DEPTOR: variants seen among roughly 807,000 people sequenced by gnomAD.
DEPTOR encodes DEP domain-containing mTOR-interacting protein.
A neutral mutation model predicts 41.6 loss-of-function variants in DEPTOR; 41 were observed. The observed-to-expected ratio is 0.98, with a 90% CI of 0.77 to 1.28. The LOEUF is 1.28. DEPTOR is among the 50% of genes most tolerant of loss of function. The probability of loss-of-function intolerance (pLI) is 0.00; values close to 1 mark genes in which losing one functional copy is unlikely to be tolerated. For synonymous variants in DEPTOR, 195 were observed against 192.3 expected (o/e 1.01, Z -0.12); for missense variants, 514 against 527.9 (o/e 0.97, Z 0.26).
intron 3 of DEPTOR, among the ~76,000 whole-genome samples, chr8:119,961,416 C>A (rs371428858): frequency 2.6e-3 from 280 of 108,302 alleles, no homozygotes; most frequent in South Asian, 3.5e-3. Flanking sequence ...AACTCCGTAT[C>A]AAAAAAAAAA....
chr8:120,013,897 T>C (rs994580759), intron 8 of DEPTOR, among the ~76,000 whole-genome samples: 4 of 150,978 alleles, frequency 2.6e-5, no homozygotes, highest in African/African-American at 9.8e-5. Flanking sequence ...TGGCGTGCAG[T>C]GGCGGGATCT....
At chr8:120,030,497 G>GTTTGTTTTTTTTTTTTTTTTTTTTTT (rs1207108457) in intron 8 of DEPTOR, among the ~76,000 whole-genome samples, 3 of 46,218 alleles carry the variant, frequency 6.5e-5, no homozygotes, top group South Asian at 1.2e-3. Flanking sequence ...AGGTTCATCA[G>GTTTGTTTTTTTTTTTTTTTTTTTTTT]TTTTTTTTTT....
intron 4 of DEPTOR, among the ~76,000 whole-genome samples, chr8:119,976,954 C>A (rs1828703065): frequency 6.6e-6 from 1 of 152,182 alleles, no homozygotes; most frequent in Non-Finnish European, 1.5e-5. Context: ...CTCATTTAAT[C>A]TTCACAAGCA....
chr8:119,948,466 A>G (rs1444587226), intron 3 of DEPTOR, among the ~76,000 whole-genome samples: 1 of 152,014 alleles, frequency 6.6e-6, no homozygotes, highest in East Asian at 1.9e-4. Context: ...TAAAAAATAT[A>G]TTTATTAAAT....
intron 1 of DEPTOR, among the ~76,000 whole-genome samples, chr8:119,914,977 A>T (rs1408524904): frequency 4.0e-5 from 6 of 151,410 alleles, no homozygotes; most frequent in Non-Finnish European, 5.9e-5. Context: ...CAATATTATT[A>T]TTTTTTTTGA....
chr8:119,950,061 A>G (rs921387240), intron 3 of DEPTOR, among the ~76,000 whole-genome samples: 1 of 152,140 alleles, frequency 6.6e-6, no homozygotes, highest in Non-Finnish European at 1.5e-5. Context: ...GTGTAGTATG[A>G]GGTTAAGGAT....
At chr8:119,961,604 A>C (rs1828493542) in intron 3 of DEPTOR, among the ~76,000 whole-genome samples, 1 of 152,118 alleles carries the variant, frequency 6.6e-6, no homozygotes, top group South Asian at 2.1e-4. Context: ...CTCCAAATGC[A>C]ATGATTGATA....
At chr8:119,976,783 G>T (rs891830889) in intron 4 of DEPTOR, among the ~76,000 whole-genome samples, 1 of 152,082 alleles carries the variant, frequency 6.6e-6, no homozygotes, top group Non-Finnish European at 1.5e-5. Context: ...CTCACCTCTT[G>T]ACCCTGGGTG....
chr8:120,021,142 C>G (rs1037056594), intron 8 of DEPTOR, among the ~76,000 whole-genome samples: 1 of 50,912 alleles, frequency 2.0e-5, no homozygotes, highest in African/African-American at 7.9e-5. Context: ...TGCGGTGGCT[C>G]ACATAATCCT....
chr8:119,918,207 C>A (rs1163565567), intron 1 of DEPTOR, among the ~76,000 whole-genome samples: 1 of 152,056 alleles, frequency 6.6e-6, no homozygotes, highest in Non-Finnish European at 1.5e-5. Flanking sequence ...CCAAGTCTCT[C>A]GTTCCACCTA....
chr8:119,884,892 C>T (rs973552270), intron 1 of DEPTOR, among the ~76,000 whole-genome samples: 5 of 152,010 alleles, frequency 3.3e-5, no homozygotes, highest in Non-Finnish European at 2.9e-5. Flanking sequence ...TCTTGTGCCT[C>T]AGCTTCCTGA....
At chr8:119,893,748 A>C (rs1827479634) in intron 1 of DEPTOR, among the ~76,000 whole-genome samples, 1 of 149,800 alleles carries the variant, frequency 6.7e-6, no homozygotes, top group Non-Finnish European at 1.5e-5. Context: ...GAATTGCTTG[A>C]ACCCAGTGAC....
chr8:119,929,048 A>G (rs1828005960), intron 2 of DEPTOR, among the ~76,000 whole-genome samples: 1 of 152,238 alleles, frequency 6.6e-6, no homozygotes, highest in African/African-American at 2.4e-5. Context: ...CCACATTGAT[A>G]GTATATGTCT....
At chr8:119,938,838 T>C (rs1828161484) in intron 3 of DEPTOR, among the ~76,000 whole-genome samples, 1 of 151,726 alleles carries the variant, frequency 6.6e-6, no homozygotes, top group South Asian at 2.1e-4. Flanking sequence ...CTTTCCTTCC[T>C]TCCTCCCTCC....
intron 3 of DEPTOR, among the ~76,000 whole-genome samples, chr8:119,934,258 A>G (rs1828082192): frequency 6.6e-6 from 1 of 152,204 alleles, no homozygotes; most frequent in Non-Finnish European, 1.5e-5. Context: ...TCTCAAAACT[A>G]CAATTTCAGT....
At chr8:119,990,580 T>G (rs1204786066) in intron 4 of DEPTOR, among the ~76,000 whole-genome samples, 2 of 152,238 alleles carry the variant, frequency 1.3e-5, no homozygotes, top group Admixed American at 1.3e-4. Context: ...AATCACAGTG[T>G]CATGTTTGGT....
intron 1 of DEPTOR, among the ~76,000 whole-genome samples, chr8:119,919,849 C>G (rs1827867694): frequency 6.6e-6 from 1 of 152,218 alleles, no homozygotes; most frequent in South Asian, 2.1e-4. Flanking sequence ...CTGAGTCCCA[C>G]AATCTGCCAC....
chr8:120,001,714 T>A lies in DEPTOR; in HGVS notation c.790+4T>A, dbSNP rs772859302. The A allele has an allele frequency of 4.4e-6, 7 of 1,607,360 alleles. No homozygotes were observed. Among genetic ancestry groups the A allele is most frequent in the Admixed American group, 3.4e-5 (2 of 59,562 alleles). ...AAATCTACCAGCTTTATGTCAGGTA[T>A]GCCATCCCGGCATTTATTGGAGCTC... is the stretch of plus-strand genomic sequence containing the variant. On this transcript the variant is annotated splice_donor_region_variant and intron_variant, in intron 5 of 8. Transcript: ENST00000286234.
At position 120,017,257 on chromosome 8, in the gene DEPTOR, C is replaced by T. The variant is rs79864058; in HGVS notation, c.1101+8124C>T. 9.1e-3 allele frequency among the ~76,000 whole-genome samples: 1,393 copies of T among 152,258 alleles called. 20 individuals are homozygous for T. The highest frequency in any genetic ancestry group is 0.031 in the African/African-American group (1,284 of 41,552). On this transcript the variant is annotated intron_variant, in intron 8 of 8. Transcript: ENST00000286234. ...CTGCTGAAGCTGGGTGGGTAGTGTT[C>T]GCCTTACTTTACAAATGAGGAAACC... is the stretch of plus-strand genomic sequence containing the variant.
Sources: allele counts gnomAD v4.1 joint callset (sites outside exome capture counted in the v4.1 genomes callset), GRCh38; gene constraint gnomAD v4.1.1; transcripts MANE v1.5; gene names NCBI Gene and HGNC (gene_info 2026-07-23, HGNC 2026-07-21).